Variants in HEATR4 observed in about 807,000 individuals in gnomAD.
HEATR4 encodes the protein HEAT repeat containing 4, also known as HEAT repeat-containing protein 4.
Under a neutral mutation model 108.8 loss-of-function variants are expected in HEATR4, and 95 were observed. The ratio of observed to expected loss-of-function variants is 0.87; its 90% CI spans 0.74 to 1.04. HEATR4 has a LOEUF of 1.04. HEATR4 is among the 50% of genes least tolerant of loss of function. HEATR4 has a pLI of 0.00. For missense variants in HEATR4, 1,152 were observed against 1,253.8 expected, an observed-to-expected ratio of 0.92 and a Z score of 1.23; for synonymous variants, 443 against 459.4, an observed-to-expected ratio of 0.96 and a Z score of 0.46.
chr14:73,502,455 T>C (rs540498029), intron 11 of HEATR4, among the ~76,000 whole-genome samples: 1 of 152,256 alleles, frequency 6.6e-6, no homozygotes, highest in Non-Finnish European at 1.5e-5. Context: ...ACATTGTTAG[T>C]TTGTAGGGAC....
intron 17 of HEATR4, among the ~76,000 whole-genome samples, chr14:73,487,833 G>A (rs765767799): frequency 6.6e-6 from 1 of 152,122 alleles, no homozygotes; most frequent in African/African-American, 2.4e-5. Context: ...CTTTAATTAG[G>A]GTTTTGACAA....
chr14:73,584,308 T>G, the HEATR4 span, among the ~76,000 whole-genome samples: 3 of 151,158 alleles, frequency 2.0e-5, no homozygotes, highest in East Asian at 5.8e-4. Context: ...TAAATAAACT[T>G]CCACTCTGCT....
Position 73,534,422 on chromosome 14 carries a change from GTGGCTC to G in HEATR4, c.-151-4184_-151-4179del, listed in dbSNP as rs1888798956. 1.8e-5 allele frequency among the ~76,000 whole-genome samples: 2 copies of G among 110,382 alleles called. 1 individual carries two copies. The allele number at this position is 110,382 out of a possible 152,430, so 72.4% of individuals were successfully genotyped here. ...AAAAAAAGAAACATGGCCGAGTGTA[GTGGCTC>G]TTGCCTATAATCCCAACACTCAGGG... On this transcript the variant is annotated intron_variant, in intron 1 of 17. Transcript: ENST00000553558.
chr14:73,601,099 C>T, the HEATR4 span, among the ~76,000 whole-genome samples: 2 of 151,940 alleles, frequency 1.3e-5, no homozygotes, highest in African/African-American at 4.8e-5. Flanking sequence ...CGAGATTGTA[C>T]CACTGCACTC....
chr14:73,587,516 C>T, the HEATR4 span, among the ~76,000 whole-genome samples: 5 of 151,972 alleles, frequency 3.3e-5, no homozygotes, highest in Admixed American at 1.3e-4. Context: ...CCACCACACC[C>T]AGCTAATTTT....
At chr14:73,584,220 C>G in the HEATR4 span, among the ~76,000 whole-genome samples, 8 of 151,506 alleles carry the variant, frequency 5.3e-5, no homozygotes, top group African/African-American at 2.0e-4. Flanking sequence ...CACAGTTAAA[C>G]GGGGCTCTTG....
At chr14:73,593,951 C>G in the HEATR4 span, 1 of 1,513,546 alleles carries the variant, frequency 6.6e-7, no homozygotes, top group Non-Finnish European at 9.0e-7. Context: ...GAAATATTTC[C>G]ATAGAGAGTG....
Position 73,482,708 on chromosome 14 carries a change from G to A in HEATR4, c.2845-3866C>T, listed in dbSNP as rs1017221334. ...TTTCACTCTTGTCACCCAGGCTGGA[G>A]TGCAATGGTGCAATCTCGGCTCACC... On this transcript the variant is annotated intron_variant, in intron 17 of 17. Coordinates refer to ENST00000553558, the MANE Select transcript of HEATR4 (RefSeq NM_001220484.1). 2.6e-5 allele frequency among the ~76,000 whole-genome samples: 4 copies of A among 152,312 alleles called. No individual in the cohort carries two copies. The East Asian group carries it at 7.7e-4, about 29-fold the overall frequency.
At chr14:73,572,444 T>C in the HEATR4 span, among the ~76,000 whole-genome samples, 1 of 151,824 alleles carries the variant, frequency 6.6e-6, no homozygotes, top group African/African-American at 2.4e-5. Flanking sequence ...TTAGATACAA[T>C]TCAAAAACTA....
Position 73,536,826 on chromosome 14 carries a change from G to A in HEATR4, c.-151-6582C>T, listed in dbSNP as rs1053322596. ...GAGGATAGGCATATACAGAGAACAC[G>A]AAAGCAAAACACCATGGTGCAGATT... On this transcript the variant is annotated intron_variant, in intron 1 of 17. Coordinates refer to ENST00000553558, the MANE Select transcript of HEATR4 (RefSeq NM_001220484.1). Among the ~76,000 whole-genome samples, 2 of 114,838 alleles carry A rather than the reference G, an allele frequency of 1.7e-5. 1 individual carries two copies. The highest frequency in any genetic ancestry group is 5.6e-4 in the South Asian group (2 of 3,590). The allele number at this position is 114,838 out of a possible 152,430, so 75.3% of individuals were successfully genotyped here. A position where few individuals can be genotyped will look rare whatever the true frequency, so the allele number is the denominator to read the frequency against.
chr14:73,574,463 A>G, the HEATR4 span: 1 of 279,508 alleles, frequency 3.6e-6, no homozygotes, highest in Non-Finnish European at 6.9e-6. Context: ...ATGTTTCACC[A>G]TGTTGGCCAG....
At chr14:73,496,540 G>T (rs1457137798) in intron 15 of HEATR4, 61 bp downstream of exon 15, 11 of 999,938 alleles carry the variant, frequency 1.1e-5, no homozygotes, top group Non-Finnish European at 1.8e-5. Context: ...GGAGGACAGG[G>T]TCTGAGGAAC....
the HEATR4 span, among the ~76,000 whole-genome samples, chr14:73,621,667 A>T: frequency 6.6e-6 from 1 of 152,148 alleles, no homozygotes; most frequent in Non-Finnish European, 1.5e-5. Context: ...TAACAATGAA[A>T]AGTTCCTTAG....
At chr14:73,533,496 T>A (rs1444270966) in intron 1 of HEATR4, among the ~76,000 whole-genome samples, 1 of 113,992 alleles carries the variant, frequency 8.8e-6, no homozygotes, top group African/African-American at 2.9e-5. Flanking sequence ...CTGGTCAACA[T>A]GGTGGAACCC....
rs1280194925 is a variant in HEATR4 at position 73,534,782 on chromosome 14, T to A, written c.-151-4538A>T. 5.3e-5 allele frequency among the ~76,000 whole-genome samples: 6 copies of A among 112,684 alleles called. 2 individuals carry two copies. Among genetic ancestry groups the A allele is most frequent in the African/African-American group, 1.4e-4 (5 of 34,522 alleles). 73.9% of individuals were successfully genotyped at this position (112,684 alleles called of 152,430 possible). The stretch of plus-strand genomic sequence containing the variant: ...GAAATAGTTAGATGTGTGTTTTTTT[T>A]AATTTTCATGTCTTATCTTTTCTGC... On this transcript the variant is annotated intron_variant, in intron 1 of 17. Transcript: ENST00000553558.
chr14:73,517,037 T>C (rs1233647690), intron 5 of HEATR4, among the ~76,000 whole-genome samples: 1 of 151,930 alleles, frequency 6.6e-6, no homozygotes, highest in Non-Finnish European at 1.5e-5. Flanking sequence ...AGCACTTTGT[T>C]TGGGAGGCTA....
rs1334937343 is a variant in HEATR4 at position 73,503,082 on chromosome 14, GT to G, written c.1987-70del. 2.4e-6 allele frequency: 3 copies of G among 1,274,114 alleles called. No individual in the cohort carries two copies. In the African/African-American group the frequency reaches 4.4e-5, roughly 19 times the overall value. The allele number at this position is 1,274,114 out of a possible 1,614,324, so 78.9% of individuals were successfully genotyped here. A position where few individuals can be genotyped will look rare whatever the true frequency, so the allele number is the denominator to read the frequency against. ...TTAATTTTGTGCTTGGCGTTGTGCT[GT>G]TTTTTCTTCTTTTTTTACTCATCAC... On this transcript the variant is annotated intron_variant, in intron 10 of 17. Coordinates refer to ENST00000553558, the MANE Select transcript of HEATR4 (RefSeq NM_001220484.1).
the HEATR4 span, chr14:73,619,974 T>G: frequency 1.9e-6 from 2 of 1,032,182 alleles, no homozygotes. Flanking sequence ...TGCAGTGGCA[T>G]AATCTTGGCT....
chr14:73,570,492 C>A, the HEATR4 span, among the ~76,000 whole-genome samples: 1 of 151,940 alleles, frequency 6.6e-6, no homozygotes, highest in Non-Finnish European at 1.5e-5. Context: ...TGGTGTGAAC[C>A]CGGGAGGCAG....
Sources: allele counts gnomAD v4.1 joint callset (sites outside exome capture counted in the v4.1 genomes callset), GRCh38; gene constraint gnomAD v4.1.1; transcripts MANE v1.5; gene names NCBI Gene and HGNC (gene_info 2026-07-23, HGNC 2026-07-21).